Variants in ABCC1 observed in about 807,000 individuals in gnomAD.
ABCC1 encodes ATP binding cassette subfamily C member 1 (ABCC1 blood group), also known as multidrug resistance-associated protein 1.
ABCC1 carries 83 observed loss-of-function variants against 172.9 expected under a neutral mutation model. That is an observed-to-expected ratio of 0.48 (90% CI 0.40 to 0.58). ABCC1 has a LOEUF of 0.58. Among genes scored for constraint, ABCC1 ranks in the 20% least tolerant of loss-of-function variants. ABCC1 has a pLI of 0.00. For synonymous variants in ABCC1, 937 were observed against 825.2 expected, an observed-to-expected ratio of 1.14 and a Z score of -2.32; for missense variants, 1,817 against 2,002.7, an observed-to-expected ratio of 0.91 and a Z score of 1.77.
At position 16,134,267 on chromosome 16, in the gene ABCC1, G is replaced by T. The variant is rs1315335679; in HGVS notation, c.3967-83G>T. The T allele has an allele frequency of 1.9e-6, 3 of 1,551,334 alleles. No individual in the cohort carries two copies. In the African/African-American group the frequency reaches 4.1e-5, roughly 21 times the overall value. The stretch of plus-strand genomic sequence containing the variant: ...TGACCAGATGACTGATGCCTGAGGT[G>T]GGGCCGAGATGAGGGCACTTTGGGG... On this transcript the variant is annotated intron_variant, in intron 27 of 30. Coordinates refer to ENST00000399410, the MANE Select transcript of ABCC1 (RefSeq NM_004996.4).
At chr16:16,076,568 C>G (rs965363759) in intron 15 of ABCC1, among the ~76,000 whole-genome samples, 167 bp downstream of exon 15, 3 of 152,328 alleles carry the variant, frequency 2.0e-5, no homozygotes, top group Admixed American at 6.5e-5. Flanking sequence ...GATACACCTG[C>G]TTAGGCTGTC....
At chr16:16,069,975 G>A (rs1377521660) in intron 13 of ABCC1, among the ~76,000 whole-genome samples, 5 of 152,212 alleles carry the variant, frequency 3.3e-5, no homozygotes, top group East Asian at 1.9e-4. Flanking sequence ...CGAGGTTGCA[G>A]TGAGCCGAGA....
chr16:16,044,125 A>G (rs1325977595), intron 7 of ABCC1, among the ~76,000 whole-genome samples: 1 of 152,106 alleles, frequency 6.6e-6, no homozygotes, highest in South Asian at 2.1e-4. Flanking sequence ...AACTTATTCA[A>G]CTCGTTTAAT....
chr16:16,124,687 C>A, intron 24 of ABCC1, 102 bp from the exon 25 acceptor site: 1 of 1,531,476 alleles, frequency 6.5e-7, no homozygotes, highest in Non-Finnish European at 8.9e-7. Context: ...TGCGGAGTTA[C>A]TTGAGTTAGC....
chr16:16,102,352 G>C (rs767389059), intron 19 of ABCC1, among the ~76,000 whole-genome samples: 20 of 152,210 alleles, frequency 1.3e-4, no homozygotes, highest in Non-Finnish European at 2.4e-4. Context: ...GCTGGCACAG[G>C]ATGCTGGCTC....
intron 19 of ABCC1, among the ~76,000 whole-genome samples, chr16:16,093,979 CTTT>C (rs578261751): frequency 0.43 from 46,229 of 106,594 alleles, 9,996 homozygotes; most frequent in Non-Finnish European, 0.52. Flanking sequence ...TCCCTCTCTC[CTTT>C]TTTTTTTTTT....
intron 27 of ABCC1, among the ~76,000 whole-genome samples, chr16:16,132,614 TG>T (rs2045747310): frequency 7.1e-6 from 1 of 140,600 alleles, no homozygotes; most frequent in Admixed American, 7.5e-5. Context: ...TTCTGCCTCC[TG>T]GGTTCAAGTG....
At chr16:15,970,068 T>G (rs2046332915) in intron 1 of ABCC1, among the ~76,000 whole-genome samples, 1 of 152,126 alleles carries the variant, frequency 6.6e-6, no homozygotes. Context: ...AGGAGACTCC[T>G]TAAGTGGGGA....
intron 1 of ABCC1, among the ~76,000 whole-genome samples, chr16:15,964,553 G>A (rs1196526589): frequency 6.6e-6 from 1 of 151,900 alleles, no homozygotes; most frequent in Non-Finnish European, 1.5e-5. Context: ...AATCTCTTGG[G>A]CTAACCAATA....
intron 1 of ABCC1, among the ~76,000 whole-genome samples, chr16:15,955,738 T>C (rs1330195016): frequency 6.6e-6 from 1 of 152,150 alleles, no homozygotes; most frequent in Non-Finnish European, 1.5e-5. Flanking sequence ...ACACCCCCAG[T>C]AGCACTTACT....
At position 16,056,235 on chromosome 16, in the gene ABCC1, G is replaced by A. The variant is rs745695122; in HGVS notation, c.1617G>A (p.Leu539=). 1.2e-6 allele frequency: 2 copies of A among 1,614,272 alleles called. No homozygotes were observed. The highest frequency in any genetic ancestry group is 2.2e-5 in the South Asian group (2 of 91,088). ...LAIRQEELKV[L]KKSAYLSAVG... Reference sequence around the variant, plus strand: ...TCAGGCAGGAGGAGCTGAAGGTGCTGAAGAAGTCTGCCTACCTGTCAGCCG... The same window carrying A: ...TCAGGCAGGAGGAGCTGAAGGTGCTAAAGAAGTCTGCCTACCTGTCAGCCG... The change falls in exon 12 of 31, where the codon CTG becomes CTA. Residue 539 remains leucine, a synonymous_variant. Transcript: ENST00000399410.
intron 19 of ABCC1, chr16:16,094,207 T>C (rs1489901452): frequency 1.4e-5 from 4 of 278,238 alleles, no homozygotes; most frequent in Non-Finnish European, 2.9e-5. Context: ...GCTCTGTAGG[T>C]CCGGCGACGC....
intron 3 of ABCC1, among the ~76,000 whole-genome samples, chr16:16,012,147 G>A (rs556158844): frequency 6.6e-6 from 1 of 152,164 alleles, no homozygotes; most frequent in Admixed American, 6.5e-5. Flanking sequence ...TCCACTCTCT[G>A]CCAAGAACTG....
intron 10 of ABCC1, among the ~76,000 whole-genome samples, chr16:16,049,940 C>T (rs1045875405): frequency 2.0e-5 from 3 of 152,164 alleles, no homozygotes; most frequent in South Asian, 4.1e-4. Flanking sequence ...GTGATCTACC[C>T]TCTGTGGTCT....
chr16:15,975,804 C>T (rs2046476961), intron 1 of ABCC1, among the ~76,000 whole-genome samples: 1 of 152,010 alleles, frequency 6.6e-6, no homozygotes, highest in African/African-American at 2.4e-5. Context: ...GATCTGCCCG[C>T]CTCAGCCTCC....
At chr16:16,064,100 C>G (rs2050022837) in intron 12 of ABCC1, among the ~76,000 whole-genome samples, 1 of 152,162 alleles carries the variant, frequency 6.6e-6, no homozygotes, top group South Asian at 2.1e-4. Context: ...GCAGGAAGAG[C>G]AGGTAACTGC....
intron 1 of ABCC1, among the ~76,000 whole-genome samples, chr16:15,982,803 CAAAAAAA>C (rs148834444): frequency 4.6e-5 from 2 of 43,212 alleles, no homozygotes; most frequent in East Asian, 1.5e-3. Context: ...GAGACGCTGT[CAAAAAAA>C]AAAAAAAAAA....
intron 21 of ABCC1, among the ~76,000 whole-genome samples, chr16:16,108,822 T>C (rs1449360017): frequency 6.6e-6 from 1 of 151,834 alleles, no homozygotes; most frequent in Non-Finnish European, 1.5e-5. Context: ...GGTCTTGAGC[T>C]CCTGGGCTCA....
intron 1 of ABCC1, among the ~76,000 whole-genome samples, chr16:15,992,058 T>C (rs897648422): frequency 1.3e-5 from 2 of 152,064 alleles, no homozygotes; most frequent in African/African-American, 4.8e-5. Flanking sequence ...CTGCCTCCTG[T>C]CAGATCACCT....
Sources: allele counts gnomAD v4.1 joint callset (sites outside exome capture counted in the v4.1 genomes callset), GRCh38; gene constraint gnomAD v4.1.1; transcripts MANE v1.5; gene names NCBI Gene and HGNC (gene_info 2026-07-23, HGNC 2026-07-21).